ARHGEF10: variants seen among roughly 807,000 people sequenced by gnomAD.
The protein encoded by ARHGEF10 is Rho guanine nucleotide exchange factor 10.
ARHGEF10 carries 140 observed loss-of-function variants against 147.4 expected under a neutral mutation model. That is an observed-to-expected ratio of 0.95 (90% confidence interval 0.83 to 1.09). The LOEUF is 1.09. ARHGEF10 is among the 50% of genes least tolerant of loss of function. The pLI is 0.00. For missense variants in ARHGEF10, 2,222 were observed against 1,752.7 expected (o/e 1.27, Z -4.78); for synonymous variants, 902 against 695.8 (o/e 1.30, Z -4.67).
chr8:1,884,017 C>T (rs923019429), intron 10 of ARHGEF10, among the ~76,000 whole-genome samples: 1 of 152,178 alleles, frequency 6.6e-6, no homozygotes, highest in African/African-American at 2.4e-5. Context: ...AGCCCGGAGT[C>T]AGCCCCTGGG....
In ARHGEF10 at chr8:1,957,303, G is replaced by C. The variant is rs754794256; in HGVS notation, c.*40G>C. ...TTCTGCTGTCAGAATTTGCAATCAA[G>C]GGTGACTTCTCAGCTAATCCTACAG... On this transcript the variant is annotated 3_prime_UTR_variant, in exon 29 of 29. Coordinates refer to ENST00000349830, the MANE Select transcript of ARHGEF10 (RefSeq NM_014629.4). 9.4e-6 allele frequency: 15 copies of C among 1,591,778 alleles called. No homozygotes were observed. In the East Asian group the frequency reaches 2.5e-4, roughly 26 times the overall value.
intron 18 of ARHGEF10, among the ~76,000 whole-genome samples, chr8:1,916,363 A>T (rs992099427): frequency 1.3e-5 from 2 of 152,374 alleles, no homozygotes; most frequent in Middle Eastern, 3.4e-3. Context: ...TTTGAACCCC[A>T]TGAAGCTATA....
chr8:1,835,338 A>T (rs545639213), intron 1 of ARHGEF10, among the ~76,000 whole-genome samples: 5 of 152,300 alleles, frequency 3.3e-5, no homozygotes, highest in African/African-American at 1.2e-4. Context: ...CAGCCCTGTG[A>T]GTCGGTGCCG....
intron 10 of ARHGEF10, 97 bp downstream of exon 10, chr8:1,882,846 G>C: frequency 2.0e-6 from 2 of 982,910 alleles, no homozygotes; most frequent in East Asian, 2.6e-5. Context: ...GGCCGCGCAG[G>C]CTCCCACAGC....
Position 1,956,889 on chromosome 8 carries a change from G to C in ARHGEF10, c.3661G>C (p.Asp1221His). 1 of 1,614,140 alleles carries C rather than the reference G, an allele frequency of 6.2e-7. No individual in the cohort carries two copies. The highest frequency in any genetic ancestry group is 8.5e-7 in the Non-Finnish European group (1 of 1,180,036). The change falls in exon 29 of 29, where the codon GAC (aspartate) becomes CAC (histidine). Residue 1221 changes from aspartate (D) to histidine (H), a missense_variant. By Grantham distance (81) the Asp-to-His change is moderately conservative. Transcript: ENST00000349830. ...CGAGCCTCAGGACGAAGACCAGAAG[G>C]ACGCACTTCCGAGTGGAGGAGCTGG... ...GPEPQDEDQK[D>H]ALPSGGAGSS...
At position 1,905,778 on chromosome 8, in the gene ARHGEF10, C is replaced by G. The variant is rs1289588657; in HGVS notation, c.1967+62C>G. On this transcript the variant is annotated intron_variant, in intron 17 of 28. Coordinates refer to ENST00000349830, the MANE Select transcript of ARHGEF10 (RefSeq NM_014629.4). The stretch of plus-strand genomic sequence containing the variant: ...ATCACATGTTACCTTTGCCTAAGGG[C>G]ACATGCATGACTTTGTTAATTCTGT... 1.1e-5 allele frequency: 18 copies of G among 1,589,794 alleles called. No homozygotes were observed. In the Admixed American group the frequency reaches 1.7e-4, roughly 15 times the overall value.
chr8:1,908,397 A>G (rs1811079250), intron 17 of ARHGEF10, among the ~76,000 whole-genome samples: 1 of 151,700 alleles, frequency 6.6e-6, no homozygotes, highest in Non-Finnish European at 1.5e-5. Context: ...CACCCAGCTA[A>G]TTTTTTAAAT....
In ARHGEF10 at chr8:1,903,467, C is replaced by G. The variant is rs1384486506; in HGVS notation, c.1821+16C>G. On this transcript the variant is annotated intron_variant, in intron 16 of 28. Transcript: ENST00000349830. ...CCTGAACAAGGTTGAGAGAGGTTTT[C>G]TTCAACTCTATTCCAAAATTATTTT... 7 of 1,613,638 alleles carry G rather than the reference C, an allele frequency of 4.3e-6. No individual in the cohort carries two copies. The highest frequency in any genetic ancestry group is 5.9e-6 in the Non-Finnish European group (7 of 1,180,022).
chr8:1,907,430 T>C lies in ARHGEF10; in HGVS notation c.1967+1714T>C, dbSNP rs1386427775. ...GCCCTGGGAGACAAGATCATAGAAG[T>C]GAAATGACCTTGTAAACGGCAAAGT... On this transcript the variant is annotated intron_variant, in intron 17 of 28. Coordinates refer to ENST00000349830, the MANE Select transcript of ARHGEF10 (RefSeq NM_014629.4). Among the ~76,000 whole-genome samples, 7 of 152,120 alleles carry C rather than the reference T, an allele frequency of 4.6e-5. No homozygotes were observed. In the East Asian group the frequency reaches 1.3e-3, roughly 29 times the overall value.
chr8:1,869,167 T>G lies in ARHGEF10; in HGVS notation c.623-27T>G, dbSNP rs769444649. The G allele has an allele frequency of 6.9e-6, 11 of 1,604,856 alleles. No individual in the cohort carries two copies. The Admixed American group carries it at 1.0e-4, about 15-fold the overall frequency. ...GCACTAGGTTTTGTTGGTCACTGTT[T>G]AAAGTGTTTCTCCCCGTTTATTGCA... On this transcript the variant is annotated intron_variant, in intron 6 of 28. Transcript: ENST00000349830.
At chr8:1,911,034 A>G (rs1811316476) in intron 18 of ARHGEF10, among the ~76,000 whole-genome samples, 1 of 152,212 alleles carries the variant, frequency 6.6e-6, no homozygotes, top group African/African-American at 2.4e-5. Context: ...ATGTGGAGGA[A>G]ATAACCTGGA....
chr8:1,869,614 ATAAC>A (rs1326183277), intron 7 of ARHGEF10: 6 of 367,390 alleles, frequency 1.6e-5, no homozygotes, highest in Non-Finnish European at 3.1e-5. Context: ...AGTCAAAGAA[ATAAC>A]TAAGAATTCT....
intron 11 of ARHGEF10, among the ~76,000 whole-genome samples, chr8:1,886,918 A>AG (rs1554492504): frequency 6.6e-6 from 1 of 152,128 alleles, no homozygotes; most frequent in Admixed American, 6.5e-5. Context: ...CCACACGTCC[A>AG]GGGGGGTGGT....
intron 12 of ARHGEF10, among the ~76,000 whole-genome samples, chr8:1,893,968 G>T (rs1205223713): frequency 6.6e-6 from 1 of 152,088 alleles, no homozygotes; most frequent in African/African-American, 2.4e-5. Flanking sequence ...GAGCTCAGGA[G>T]TTCGAGACCA....
In ARHGEF10 at chr8:1,843,301, G is replaced by C. The variant is rs1476000542; in HGVS notation, c.-47-52G>C. 5 of 1,432,648 alleles carry C rather than the reference G, an allele frequency of 3.5e-6. No individual in the cohort carries two copies. In the African/African-American group the frequency reaches 7.0e-5, roughly 20 times the overall value. 88.7% of individuals were successfully genotyped at this position (1,432,648 alleles called of 1,614,324 possible). ...CTGTCGACAGCCCTACACCTATTGA[G>C]TGCATGTTTATCCACCTGAACGGTG... On this transcript the variant is annotated intron_variant, in intron 1 of 28. Coordinates refer to ENST00000349830, the MANE Select transcript of ARHGEF10 (RefSeq NM_014629.4).
chr8:1,882,158 T>C (rs1808255321), intron 9 of ARHGEF10, among the ~76,000 whole-genome samples: 1 of 152,174 alleles, frequency 6.6e-6, no homozygotes, highest in African/African-American at 2.4e-5. Context: ...TTCAGCCCCG[T>C]GGCTGGAGCT....
chr8:1,936,712 C>T (rs1216443645), intron 26 of ARHGEF10, among the ~76,000 whole-genome samples: 1 of 152,178 alleles, frequency 6.6e-6, no homozygotes, highest in Non-Finnish European at 1.5e-5. Context: ...ATCAGTTCCC[C>T]AGGTTAGGAA....
chr8:1,924,730 G>T (rs1316356083), intron 21 of ARHGEF10, among the ~76,000 whole-genome samples: 1 of 152,188 alleles, frequency 6.6e-6, no homozygotes, highest in Non-Finnish European at 1.5e-5. Flanking sequence ...AGCAAACAAG[G>T]AAGTGGCCAC....
chr8:1,842,152 T>G (rs1804144512), intron 1 of ARHGEF10, among the ~76,000 whole-genome samples: 1 of 150,950 alleles, frequency 6.6e-6, no homozygotes, highest in Non-Finnish European at 1.5e-5. Flanking sequence ...GGCAGGCACC[T>G]GAGCAAGTCT....
Sources: gnomAD v4.1 joint callset for allele counts (sites outside exome capture counted in the v4.1 genomes callset) on GRCh38, gnomAD v4.1.1 for gene constraint, MANE v1.5 for transcripts, NCBI Gene and HGNC (gene_info 2026-07-23, HGNC 2026-07-21) for gene names.